UNC13C: variants seen among roughly 807,000 people sequenced by gnomAD.
UNC13C encodes protein unc-13 homolog C.
Under a neutral mutation model 245.4 loss-of-function variants are expected in UNC13C, and 174 were observed. The observed-to-expected ratio is 0.71, with a 90% CI of 0.63 to 0.80. The LOEUF is 0.80. Ranked by LOEUF, UNC13C falls within the 30% of genes least tolerant of loss-of-function variation. UNC13C has a pLI of 0.00. For missense variants in UNC13C, 2,829 were observed against 2,602.9 expected (o/e 1.09, Z -1.89); for synonymous variants, 992 against 895.1 (o/e 1.11, Z -1.93).
chr15:54,048,461 A>G, intron 2 of UNC13C: 1 of 607,266 alleles, frequency 1.6e-6, no homozygotes, highest in African/African-American at 1.9e-5. Flanking sequence ...CTTGATAATG[A>G]GGCCAGCCTG....
chr15:54,243,060 G>T (rs2035897501), intron 7 of UNC13C, among the ~76,000 whole-genome samples: 1 of 152,022 alleles, frequency 6.6e-6, no homozygotes, highest in South Asian at 2.1e-4. Context: ...ATGGTGGTTT[G>T]CTGCCCAGAT....
chr15:54,301,016 T>C (rs1184981615), intron 13 of UNC13C, among the ~76,000 whole-genome samples: 3 of 152,202 alleles, frequency 2.0e-5, no homozygotes, highest in African/African-American at 7.2e-5. Flanking sequence ...GATTTAGAAC[T>C]GAATTTCAGT....
chr15:54,408,261 TTCTG>T (rs1480607872), intron 18 of UNC13C, among the ~76,000 whole-genome samples: 4 of 149,346 alleles, frequency 2.7e-5, no homozygotes, highest in East Asian at 3.9e-4. Flanking sequence ...CTGTTTCTGA[TTCTG>T]TCTTTGATTC....
intron 2 of UNC13C, among the ~76,000 whole-genome samples, chr15:54,066,155 C>G (rs773705891): frequency 6.6e-6 from 1 of 152,160 alleles, no homozygotes; most frequent in East Asian, 1.9e-4. Context: ...GTTTATCTCA[C>G]TTTTGTGGTG....
intron 19 of UNC13C, among the ~76,000 whole-genome samples, chr15:54,424,901 C>T (rs1373003736): frequency 6.6e-6 from 1 of 151,736 alleles, no homozygotes; most frequent in African/African-American, 2.4e-5. Flanking sequence ...GGTCATCCCT[C>T]TGCGTCTCCC....
chr15:54,624,616 G>T (rs1403183323), intron 32 of UNC13C, among the ~76,000 whole-genome samples: 1 of 152,116 alleles, frequency 6.6e-6, no homozygotes, highest in East Asian at 1.9e-4. Context: ...GCTGTGTACA[G>T]AAATAATTAT....
chr15:54,060,741 G>C (rs1897782668), intron 2 of UNC13C, among the ~76,000 whole-genome samples: 1 of 152,098 alleles, frequency 6.6e-6, no homozygotes, highest in Non-Finnish European at 1.5e-5. Context: ...GTGATAGACT[G>C]GATTAAGAAA....
At chr15:54,519,995 G>C (rs946069737) in intron 24 of UNC13C, among the ~76,000 whole-genome samples, 2 of 152,136 alleles carry the variant, frequency 1.3e-5, no homozygotes, top group Admixed American at 6.5e-5. Flanking sequence ...AAAAGCAAGA[G>C]CCCAGATAAG....
chr15:54,424,898 C>G (rs1020331343), intron 19 of UNC13C, among the ~76,000 whole-genome samples: 7 of 151,664 alleles, frequency 4.6e-5, no homozygotes, highest in African/African-American at 1.7e-4. Flanking sequence ...TCTGGTCATC[C>G]CTCTGCGTCT....
chr15:53,877,862 C>T, the UNC13C span, among the ~76,000 whole-genome samples: 2 of 152,174 alleles, frequency 1.3e-5, no homozygotes, highest in Admixed American at 6.5e-5. Context: ...GACCTCGTAA[C>T]TATGGGGATT....
chr15:54,222,714 G>A (rs2140787936), intron 4 of UNC13C, among the ~76,000 whole-genome samples: 1 of 152,118 alleles, frequency 6.6e-6, no homozygotes, highest in African/African-American at 2.4e-5. Flanking sequence ...CACCATCAGT[G>A]AACAAGGATT....
intron 29 of UNC13C, among the ~76,000 whole-genome samples, chr15:54,565,394 T>C (rs1003314900): frequency 8.6e-5 from 13 of 152,002 alleles, no homozygotes; most frequent in Non-Finnish European, 1.9e-4. Context: ...CCACAGATGC[T>C]GTCAAGTATT....
At chr15:54,471,537 A>G (rs940010031) in intron 19 of UNC13C, among the ~76,000 whole-genome samples, 2 of 151,532 alleles carry the variant, frequency 1.3e-5, no homozygotes, top group African/African-American at 4.8e-5. Flanking sequence ...CTTTCTTTGC[A>G]TGTTCTACCT....
the UNC13C span, among the ~76,000 whole-genome samples, chr15:53,955,052 A>G: frequency 5.8e-4 from 88 of 152,344 alleles, no homozygotes; most frequent in African/African-American, 2.0e-3. Flanking sequence ...CTATAAGAAG[A>G]GAACTGGAAC....
intron 1 of UNC13C, among the ~76,000 whole-genome samples, chr15:53,999,360 T>C (rs562071478): frequency 6.6e-6 from 1 of 151,840 alleles, no homozygotes; most frequent in Admixed American, 6.6e-5. Context: ...TTTTATAATA[T>C]GTGGTTTTGA....
At position 54,500,837 on chromosome 15, in the gene UNC13C, C is replaced by T; in HGVS notation, c.5160C>T (p.Phe1720=). 1 of 1,612,526 alleles carries T rather than the reference C, an allele frequency of 6.2e-7. No individual in the cohort carries two copies. Among genetic ancestry groups the T allele is most frequent in the Non-Finnish European group, 8.5e-7 (1 of 1,179,020 alleles). ...GGTTTCACCTCCTCTCCCCACAGTT[C>T]CAGCAGACATCTGAGCATGCTCTCT... is the stretch of plus-strand genomic sequence containing the variant. ...GALGRDKKDG[F]QQTSEHALFS... The change falls in exon 22 of 33, where the codon TTC becomes TTT. Residue 1720 remains phenylalanine, a splice_region_variant and synonymous_variant. Coordinates refer to ENST00000260323, the MANE Select transcript of UNC13C (RefSeq NM_001080534.3).
At chr15:54,435,890 A>C (rs1470623206) in intron 19 of UNC13C, among the ~76,000 whole-genome samples, 1 of 151,886 alleles carries the variant, frequency 6.6e-6, no homozygotes, top group Non-Finnish European at 1.5e-5. Flanking sequence ...AAGAAAAAAA[A>C]CAAAACAAAA....
At chr15:53,921,520 G>A in the UNC13C span, among the ~76,000 whole-genome samples, 1 of 152,146 alleles carries the variant, frequency 6.6e-6, no homozygotes, top group Non-Finnish European at 1.5e-5. Context: ...GCATACGAAA[G>A]GAAGTCAAAT....
chr15:53,997,980 C>A (rs1481580924), intron 1 of UNC13C, among the ~76,000 whole-genome samples: 1 of 151,414 alleles, frequency 6.6e-6, no homozygotes, highest in Non-Finnish European at 1.5e-5. Context: ...TTTTTGTATT[C>A]TTTGTAGAGA....
Sources: allele counts gnomAD v4.1 joint callset (sites outside exome capture counted in the v4.1 genomes callset), GRCh38; gene constraint gnomAD v4.1.1; transcripts MANE v1.5; gene names NCBI Gene and HGNC (gene_info 2026-07-23, HGNC 2026-07-21).